Variants in TNFSF4 observed in about 807,000 individuals in gnomAD.
The protein encoded by TNFSF4 is tumor necrosis factor ligand superfamily member 4.
In TNFSF4, 4 loss-of-function variants were observed where a neutral mutation model predicts 7.3. The observed-to-expected ratio is 0.55, with a 90% CI of 0.27 to 1.25. The LOEUF is 1.25. TNFSF4 is among the 50% of genes most tolerant of loss of function. The pLI is 0.12. For synonymous variants in TNFSF4, 76 were observed against 83.7 expected, an observed-to-expected ratio of 0.91 and a Z score of 0.50; for missense variants, 181 against 208.8, an observed-to-expected ratio of 0.87 and a Z score of 0.82.
At chr1:173,244,661 A>C in the TNFSF4 span, among the ~76,000 whole-genome samples, 26 of 151,026 alleles carry the variant, frequency 1.7e-4, no homozygotes, top group African/African-American at 6.1e-4. Flanking sequence ...CAAAAAACAA[A>C]AAAAACAAAA....
the TNFSF4 span, among the ~76,000 whole-genome samples, chr1:173,228,245 T>A: frequency 2.6e-5 from 4 of 152,218 alleles, no homozygotes; most frequent in South Asian, 8.3e-4. Context: ...AGAGGAATGA[T>A]CAGGCAGCAA....
At chr1:173,332,525 T>A in the TNFSF4 span, among the ~76,000 whole-genome samples, 2 of 141,872 alleles carry the variant, frequency 1.4e-5, no homozygotes, top group Non-Finnish European at 3.1e-5. Context: ...AGCAAGACTC[T>A]GTCTCAAAAT....
chr1:173,201,979 T>G (rs1339848389), intron 1 of TNFSF4, among the ~76,000 whole-genome samples: 1 of 152,094 alleles, frequency 6.6e-6, no homozygotes, highest in Non-Finnish European at 1.5e-5. Context: ...AAGGATTAAC[T>G]TTCATTTTCC....
chr1:173,206,055 T>C (rs1323415691), intron 1 of TNFSF4, among the ~76,000 whole-genome samples: 1 of 152,234 alleles, frequency 6.6e-6, no homozygotes, highest in Non-Finnish European at 1.5e-5. Flanking sequence ...TCTGGTTTCA[T>C]TGGAGGTGCT....
At chr1:173,248,840 T>C in the TNFSF4 span, among the ~76,000 whole-genome samples, 1 of 152,242 alleles carries the variant, frequency 6.6e-6, no homozygotes, top group African/African-American at 2.4e-5. Context: ...ATATACGGCA[T>C]CTAGTGGCTA....
the TNFSF4 span, among the ~76,000 whole-genome samples, chr1:173,371,755 C>G: frequency 6.6e-6 from 1 of 152,198 alleles, no homozygotes; most frequent in African/African-American, 2.4e-5. Flanking sequence ...ACCCTGCTTT[C>G]TCAAATACCA....
At chr1:173,276,340 A>G in the TNFSF4 span, among the ~76,000 whole-genome samples, 1 of 152,072 alleles carries the variant, frequency 6.6e-6, no homozygotes, top group East Asian at 1.9e-4. Flanking sequence ...TCTCCTAACT[A>G]TCCTCTTCCT....
the TNFSF4 span, among the ~76,000 whole-genome samples, chr1:173,444,818 G>A: frequency 2.0e-5 from 3 of 152,182 alleles, no homozygotes; most frequent in Admixed American, 6.5e-5. Context: ...CTTATGAAGA[G>A]CATACAAAAG....
chr1:173,276,538 GGAGCCACTGAGTTGGAGGCCTTA>G, the TNFSF4 span, among the ~76,000 whole-genome samples: 1 of 152,252 alleles, frequency 6.6e-6, no homozygotes, highest in Non-Finnish European at 1.5e-5. Flanking sequence ...AGTAGAGAAA[GGAGCCACTGAGTTGGAGGCCTTA>G]GAGCCACAGG....
At chr1:173,328,314 T>C in the TNFSF4 span, among the ~76,000 whole-genome samples, 13 of 122,888 alleles carry the variant, frequency 1.1e-4, no homozygotes, top group Non-Finnish European at 3.2e-5. Context: ...TAAGAACACA[T>C]GGACACAGGA....
chr1:173,266,683 T>G, the TNFSF4 span, among the ~76,000 whole-genome samples: 2 of 152,320 alleles, frequency 1.3e-5, no homozygotes, highest in Non-Finnish European at 2.9e-5. Flanking sequence ...GACTCCTTGA[T>G]GGTCACATTT....
the TNFSF4 span, among the ~76,000 whole-genome samples, chr1:173,349,069 C>CT: frequency 6.6e-6 from 1 of 152,252 alleles, no homozygotes; most frequent in Admixed American, 6.5e-5. Flanking sequence ...CCCTCTCTCT[C>CT]CCAGGCTGGA....
the TNFSF4 span, among the ~76,000 whole-genome samples, chr1:173,279,228 C>T: frequency 6.6e-6 from 1 of 152,120 alleles, no homozygotes; most frequent in African/African-American, 2.4e-5. Flanking sequence ...TCTCACCTTT[C>T]TTTTGATCTT....
the TNFSF4 span, among the ~76,000 whole-genome samples, chr1:173,349,325 G>GC: frequency 2.4e-4 from 37 of 152,282 alleles, no homozygotes; most frequent in South Asian, 8.3e-4. Context: ...ACCACGCCCG[G>GC]CCCCCTTGCT....
the TNFSF4 span, among the ~76,000 whole-genome samples, chr1:173,427,739 G>A: frequency 6.6e-6 from 1 of 152,158 alleles, no homozygotes; most frequent in South Asian, 2.1e-4. Flanking sequence ...AACCTGGATG[G>A]TATAATCTAC....
the TNFSF4 span, among the ~76,000 whole-genome samples, chr1:173,248,067 AG>A: frequency 3.9e-5 from 6 of 152,236 alleles, no homozygotes; most frequent in South Asian, 6.2e-4. Context: ...GCATATGAAA[AG>A]TTCCAGGCCA....
chr1:173,184,883 C>CA lies in TNFSF4; in HGVS notation c.*1632dup, dbSNP rs1649157904. The CA allele has an allele frequency of 6.6e-6, 1 of 152,204 alleles. No homozygotes were observed. The highest frequency in any genetic ancestry group is 2.4e-5 in the African/African-American group (1 of 41,450). 9.4% of individuals were successfully genotyped at this position (152,204 alleles called of 1,614,324 possible). A position where few individuals can be genotyped will look rare whatever the true frequency, so the allele number is the denominator to read the frequency against. On this transcript the variant is annotated 3_prime_UTR_variant, in exon 3 of 3. Transcript: ENST00000281834. ...ATGATTCTGTGAGTGCCTTGGCAGC[C>CA]ACTCAGAACTTGATTCCTCTTACCT... is the stretch of plus-strand genomic sequence containing the variant.
the TNFSF4 span, among the ~76,000 whole-genome samples, chr1:173,245,114 C>A: frequency 6.6e-6 from 1 of 151,922 alleles, no homozygotes; most frequent in Non-Finnish European, 1.5e-5. Flanking sequence ...TACCACCACA[C>A]CTTCAATCAA....
chr1:173,383,749 C>G, the TNFSF4 span, among the ~76,000 whole-genome samples: 1 of 151,976 alleles, frequency 6.6e-6, no homozygotes, highest in East Asian at 1.9e-4. Context: ...CGGAGAAAAC[C>G]AGGGACTGGG....
Sources: allele counts gnomAD v4.1 joint callset (sites outside exome capture counted in the v4.1 genomes callset), GRCh38; gene constraint gnomAD v4.1.1; transcripts MANE v1.5; gene names NCBI Gene and HGNC (gene_info 2026-07-23, HGNC 2026-07-21).